The following ICAM3 variants were observed in gnomAD, a reference collection of about 807,000 sequenced individuals.
ICAM3 encodes the protein ICAM-3.
ICAM3 carries 54 observed loss-of-function variants against 43.6 expected under a neutral mutation model. The observed-to-expected ratio is 1.24, with a 90% CI of 0.99 to 1.55. The LOEUF (loss-of-function observed/expected upper bound fraction) is 1.55. ICAM3 is among the 40% of genes most tolerant of loss of function. ICAM3 has a pLI of 0.00. For synonymous variants in ICAM3, 306 were observed against 312.6 expected, an observed-to-expected ratio of 0.98 and a Z score of 0.22; for missense variants, 715 against 717.9, an observed-to-expected ratio of 1.00 and a Z score of 0.05.
At position 10,338,957 on chromosome 19, in the gene ICAM3, A is replaced by T; in HGVS notation, c.77-9T>A. On this transcript the variant is annotated splice_polypyrimidine_tract_variant and intron_variant, in intron 1 of 6. Transcript: ENST00000160262. Reference sequence around the variant, plus strand: ...CTCCTGCCCCTGGACACCTTCAGGAACATGAAGAAGTCCTGGTGTTTGTTT... The same window carrying T: ...CTCCTGCCCCTGGACACCTTCAGGATCATGAAGAAGTCCTGGTGTTTGTTT... The T allele has an allele frequency of 6.2e-7, 1 of 1,611,916 alleles. No individual in the cohort carries two copies. Among genetic ancestry groups the T allele is most frequent in the Non-Finnish European group, 8.5e-7 (1 of 1,178,822 alleles).
chr19:10,339,085 A>G (rs1276467024), intron 1 of ICAM3, 137 bp from the exon 2 acceptor site: 3 of 874,892 alleles, frequency 3.4e-6, no homozygotes, highest in Non-Finnish European at 5.2e-6. Context: ...TGGGAAAGGT[A>G]GAATCCATCA....
In ICAM3 at chr19:10,339,470, A is replaced by G. The variant is rs1331387483; in HGVS notation, c.76+69T>C. 45 of 1,330,450 alleles carry G rather than the reference A, an allele frequency of 3.4e-5. No homozygotes were observed. The East Asian group carries it at 1.0e-3, about 30-fold the overall frequency. 82.4% of individuals were successfully genotyped at this position (1,330,450 alleles called of 1,614,324 possible). ...CAGGATGTGAACAGCGTTGCGTTCTATTCCTCTACCCTCTACTGATCCCCA... is the reference window on the plus strand; with the variant it reads ...CAGGATGTGAACAGCGTTGCGTTCTGTTCCTCTACCCTCTACTGATCCCCA... On this transcript the variant is annotated intron_variant, in intron 1 of 6. Coordinates refer to ENST00000160262, the MANE Select transcript of ICAM3 (RefSeq NM_002162.5).
rs554299427 is a variant in ICAM3 at position 10,335,609 on chromosome 19, G to A, written c.649+62C>T. ...GGTACCCCACTCTCAGGAACCCCAA[G>A]GTCAGGGCACCGTCTACCCTGGCTC... On this transcript the variant is annotated intron_variant, in intron 3 of 6. Transcript: ENST00000160262. 10 of 1,479,866 alleles carry A rather than the reference G, an allele frequency of 6.8e-6. No individual in the cohort carries two copies. In the East Asian group the frequency reaches 2.0e-4, roughly 29 times the overall value. 91.7% of individuals were successfully genotyped at this position (1,479,866 alleles called of 1,614,324 possible).
Position 10,335,692 on chromosome 19 carries a change from G to T in ICAM3, c.628C>A (p.Pro210Thr), listed in dbSNP as rs1439432774. 2 of 1,606,488 alleles carry T rather than the reference G, an allele frequency of 1.2e-6. No homozygotes were observed. The highest frequency in any genetic ancestry group is 1.7e-6 in the Non-Finnish European group (2 of 1,176,960). Reference protein sequence around the residue: ...GLGLFVNTSAPRQLRTFVLPV... With the variant: ...GLGLFVNTSATRQLRTFVLPV... ...TCACCAAAGGTTCGGAGCTGGCGGG[G>T]GGCTGAGGTGTTCACGAACAGTCCC... Residue 210 changes from proline to threonine, a missense_variant, in exon 3 of 7, where the codon CCC becomes ACC. Transcript: ENST00000160262.
In ICAM3 at chr19:10,338,705, C is replaced by A. The variant is rs758065788; in HGVS notation, c.320G>T (p.Gly107Val). The A allele has an allele frequency of 6.2e-7, 1 of 1,614,152 alleles. No homozygotes were observed. Among genetic ancestry groups the A allele is most frequent in the South Asian group, 1.1e-5 (1 of 91,084 alleles). ...ACTGTACACGGTGATGTTAGAGGAG[C>A]CTGTTATCTGAGAGCCATTGCAGTA... is the stretch of plus-strand genomic sequence containing the variant. ...SVYCNGSQIT[G>V]SSNITVYRLP... Residue 107 changes from glycine (G) to valine (V), a missense_variant, in exon 2 of 7, where the codon GGC becomes GTC. Coordinates refer to ENST00000160262, the MANE Select transcript of ICAM3 (RefSeq NM_002162.5).
intron 3 of ICAM3, 115 bp downstream of exon 3, chr19:10,335,556 T>G: frequency 8.1e-7 from 1 of 1,234,780 alleles, no homozygotes; most frequent in South Asian, 1.5e-5. Flanking sequence ...GCCGGGGGCT[T>G]TCCTTCCCAG....
intron 2 of ICAM3, among the ~76,000 whole-genome samples, chr19:10,336,474 C>T (rs751161082): frequency 1.3e-5 from 2 of 152,070 alleles, no homozygotes; most frequent in African/African-American, 2.4e-5. Context: ...AGACTTGACA[C>T]TCCCAGGCTG....
In ICAM3 at chr19:10,339,314, G is replaced by C. The variant is rs1408910733; in HGVS notation, c.76+225C>G. On this transcript the variant is annotated intron_variant, in intron 1 of 6. Coordinates refer to ENST00000160262, the MANE Select transcript of ICAM3 (RefSeq NM_002162.5). ...TCAGATGGAGCAGGAAGCATGAGGG[G>C]TGTGTGTGTGTGTGTTAGGGGAGAG... The C allele has an allele frequency of 1.7e-5, 6 of 359,336 alleles. No homozygotes were observed. In the South Asian group the frequency reaches 1.8e-4, roughly 11 times the overall value. 22.3% of individuals were successfully genotyped at this position (359,336 alleles called of 1,614,324 possible).
rs2040579366 is a variant in ICAM3 at position 10,335,184 on chromosome 19, C to A, written c.819G>T (p.Thr273=). Residue 273 remains threonine, a synonymous_variant, in exon 4 of 7, where the codon ACG becomes ACT. Transcript: ENST00000160262. ...LNATVMNHGD[T]LTATATATAR... is the part of the protein sequence containing the mutation. ...CCGTGGCTGTGGCTGTGGCCGTTAG[C>A]GTGTCCCCGTGGTTCATGACTGTCG... 1 of 1,613,690 alleles carries A rather than the reference C, an allele frequency of 6.2e-7. No homozygotes were observed. The highest frequency in any genetic ancestry group is 1.7e-5 in the Admixed American group (1 of 59,990).
chr19:10,336,144 C>T (rs1394788712), intron 2 of ICAM3, 168 bp from the exon 3 acceptor site: 2 of 610,042 alleles, frequency 3.3e-6, no homozygotes, highest in South Asian at 2.2e-5. Flanking sequence ...TTATCATTAG[C>T]GCAGTGATTA....
At chr19:10,336,949 A>G (rs2040604555) in intron 2 of ICAM3, among the ~76,000 whole-genome samples, 1 of 151,120 alleles carries the variant, frequency 6.6e-6, no homozygotes, top group Non-Finnish European at 1.5e-5. Context: ...GTCTCTACTA[A>G]AAATACAAAA....
intron 3 of ICAM3, 69 bp from the exon 4 acceptor site, chr19:10,335,422 C>T (rs986838334): frequency 5.0e-6 from 7 of 1,398,456 alleles, no homozygotes; most frequent in Non-Finnish European, 6.7e-6. Context: ...TCATCCCCCC[C>T]AGTCAGGATA....
chr19:10,334,586 A>T lies in ICAM3; in HGVS notation c.1134T>A (p.Thr378=). ...DDGRSFFCSA[T]LEVDGEFLHR... is the part of the protein sequence containing the mutation. ...GCAAGAACTCGCCGTCCACCTCGAG[A>T]GTGGCACTGCAGAAGAAGCTGCGTC... is the stretch of plus-strand genomic sequence containing the variant. The change falls in exon 5 of 7, where the codon ACT becomes ACA. Residue 378 remains threonine, a synonymous_variant. Transcript: ENST00000160262. This position sits in a 1 kb window ranked among gnomAD's most constrained non-coding sequence, Gnocchi z 5.5. The T allele has an allele frequency of 6.2e-7, 1 of 1,613,656 alleles. No homozygotes were observed. Among genetic ancestry groups the T allele is most frequent in the East Asian group, 2.2e-5 (1 of 44,872 alleles).
rs780710591 is a variant in ICAM3, at chr19:10,334,022, C to T, written c.1479G>A (p.Val493=). 1.2e-6 allele frequency: 2 copies of T among 1,614,116 alleles called. No individual in the cohort carries two copies. The highest frequency in any genetic ancestry group is 2.2e-5 in the South Asian group (2 of 91,080). ...TAGTCACCACGCCCAGGGTCAGTAA[C>T]ACCGCCACGAAGACGGGGACAAAGT... The part of the protein sequence containing the change: ...SSHFVPVFVA[V]LLTLGVVTIV... The change falls in exon 7 of 7, where the codon GTG becomes GTA. Residue 493 remains valine, a synonymous_variant. Coordinates refer to ENST00000160262, the MANE Select transcript of ICAM3 (RefSeq NM_002162.5). This position sits in a 1 kb window ranked among gnomAD's most constrained non-coding sequence, Gnocchi z 5.5.
chr19:10,339,317 T>G (rs1462895855), intron 1 of ICAM3: 5 of 568,378 alleles, frequency 8.8e-6, no homozygotes, highest in Non-Finnish European at 3.1e-6. Flanking sequence ...ATGAGGGGTG[T>G]GTGTGTGTGT....
In ICAM3 at chr19:10,333,924, G is replaced by C; in HGVS notation, c.1577C>G (p.Thr526Ser). The change falls in exon 7 of 7, where the codon ACC becomes AGC. Residue 526 changes from threonine (T) to serine (S), a missense_variant. By Grantham distance (58) the Thr-to-Ser change is moderately conservative. Transcript: ENST00000160262. This position sits in a 1 kb window ranked among gnomAD's most constrained non-coding sequence, Gnocchi z 4.2. Reference protein sequence around the residue: ...SGSYHVREESTYLPLTSMQPT... With the variant: ...SGSYHVREESSYLPLTSMQPT... ...CTGCATAGACGTGAGGGGCAGATAG[G>C]TGCTCTCCTCCCTAACATGGTAACT... The C allele has an allele frequency of 6.2e-7, 1 of 1,614,164 alleles. No homozygotes were observed. The highest frequency in any genetic ancestry group is 8.5e-7 in the Non-Finnish European group (1 of 1,180,038).
In ICAM3 at chr19:10,335,795, G is replaced by A; in HGVS notation, c.525C>T (p.Ala175=). 6.2e-7 allele frequency: 1 copy of A among 1,612,682 alleles called. No homozygotes were observed. The highest frequency in any genetic ancestry group is 8.5e-7 in the Non-Finnish European group (1 of 1,179,852). ...PAVEEPAEVT[A]TVLASRDDHG... ...GGTCGTCTCTGCTGGCCAGCACAGTGGCAGTGACCTCCGCTGGCTCCTCCA... is the reference window on the plus strand; with the variant it reads ...GGTCGTCTCTGCTGGCCAGCACAGTAGCAGTGACCTCCGCTGGCTCCTCCA... Residue 175 remains alanine, a synonymous_variant, in exon 3 of 7, where the codon GCC becomes GCT. Transcript: ENST00000160262.
chr19:10,339,451 G>A, intron 1 of ICAM3, 88 bp downstream of exon 1: 1 of 1,125,318 alleles, frequency 8.9e-7, no homozygotes, highest in Non-Finnish European at 1.3e-6. Context: ...GTGGCAGGAT[G>A]TGAACAGCGT....
chr19:10,334,944 C>A lies in ICAM3; in HGVS notation c.937+122G>T. 6.8e-7 allele frequency: 1 copy of A among 1,471,200 alleles called. No homozygotes were observed. The highest frequency in any genetic ancestry group is 9.2e-7 in the Non-Finnish European group (1 of 1,091,060). 91.1% of individuals were successfully genotyped at this position (1,471,200 alleles called of 1,614,324 possible). A position where few individuals can be genotyped will look rare whatever the true frequency, so the allele number is the denominator to read the frequency against. Reference sequence around the variant, plus strand: ...CTGTGTCCAGCTTCGGGCACTCAGGCCCAACCCACGTTGCAACTGCTATTG... The same window carrying A: ...CTGTGTCCAGCTTCGGGCACTCAGGACCAACCCACGTTGCAACTGCTATTG... On this transcript the variant is annotated intron_variant, in intron 4 of 6. Coordinates refer to ENST00000160262, the MANE Select transcript of ICAM3 (RefSeq NM_002162.5). This position sits in a 1 kb window ranked among gnomAD's most constrained non-coding sequence, Gnocchi z 5.5.
Sources: gnomAD v4.1 joint callset for allele counts (sites outside exome capture counted in the v4.1 genomes callset) on GRCh38, gnomAD v4.1.1 for gene constraint, Gnocchi (gnomAD v3.1) non-coding constraint, MANE v1.5 for transcripts, NCBI Gene and HGNC (gene_info 2026-07-23, HGNC 2026-07-21) for gene names.